NXN: variants seen among roughly 807,000 people sequenced by gnomAD.
NXN encodes nucleoredoxin.
Under a neutral mutation model 48.6 loss-of-function variants are expected in NXN, and 16 were observed. That is an observed-to-expected ratio of 0.33 (90% CI 0.22 to 0.50). NXN has a LOEUF of 0.50. Ranked by LOEUF, NXN falls within the 20% of genes least tolerant of loss-of-function variation. NXN has a pLI of 0.98. For missense variants in NXN, 492 were observed against 605.5 expected (o/e 0.81, Z 1.97); for synonymous variants, 281 against 269.6 (o/e 1.04, Z -0.41).
intron 1 of NXN, among the ~76,000 whole-genome samples, chr17:927,338 G>A (rs1243238621): frequency 6.6e-6 from 1 of 151,806 alleles, no homozygotes; most frequent in African/African-American, 2.4e-5. Context: ...ACTGGGTGCT[G>A]TGGCTCACAC....
intron 4 of NXN, among the ~76,000 whole-genome samples, chr17:820,484 C>T (rs901535747): frequency 2.7e-4 from 40 of 149,400 alleles, no homozygotes; most frequent in African/African-American, 9.7e-4. Context: ...TGGTGGTGGG[C>T]GCCTGTAGTC....
At chr17:819,241 C>T (rs969039758) in intron 5 of NXN, 198 bp downstream of exon 5, 75 of 599,282 alleles carry the variant, frequency 1.3e-4, no homozygotes, top group Non-Finnish European at 2.0e-4. Flanking sequence ...CTGCCATGCC[C>T]GGCCTGACAA....
At chr17:850,718 C>T (rs2067914876) in intron 1 of NXN, among the ~76,000 whole-genome samples, 1 of 152,160 alleles carries the variant, frequency 6.6e-6, no homozygotes, top group African/African-American at 2.4e-5. Flanking sequence ...GCCACACGTC[C>T]CTTAGAGCAC....
chr17:852,845 T>C (rs1157687436), intron 1 of NXN, among the ~76,000 whole-genome samples: 2 of 152,152 alleles, frequency 1.3e-5, no homozygotes, highest in Non-Finnish European at 2.9e-5. Flanking sequence ...ATGCAGCATT[T>C]CCTCAGGACC....
chr17:835,430 G>A (rs1364907346), intron 1 of NXN, among the ~76,000 whole-genome samples: 1 of 151,920 alleles, frequency 6.6e-6, no homozygotes, highest in African/African-American at 2.4e-5. Context: ...ACAAAGAGGA[G>A]ACAAGATTAG....
intron 1 of NXN, among the ~76,000 whole-genome samples, chr17:853,363 G>A (rs61383423): frequency 4.6e-5 from 7 of 151,870 alleles, no homozygotes; most frequent in East Asian, 2.0e-4. Context: ...CAGGAGAATC[G>A]CTTGAACCTG....
chr17:853,468 A>T (rs1242987505), intron 1 of NXN, among the ~76,000 whole-genome samples: 1 of 151,824 alleles, frequency 6.6e-6, no homozygotes, highest in East Asian at 2.0e-4. Context: ...GAAAGCTCTC[A>T]GGTAACTCAG....
chr17:911,473 G>T (rs1375693204), intron 1 of NXN, among the ~76,000 whole-genome samples: 1 of 151,194 alleles, frequency 6.6e-6, no homozygotes, highest in Admixed American at 6.6e-5. Flanking sequence ...CTGAGTAGCT[G>T]GGACTACAGA....
chr17:803,607 C>G, intron 7 of NXN, 75 bp downstream of exon 7: 1 of 1,595,788 alleles, frequency 6.3e-7, no homozygotes, highest in Non-Finnish European at 8.6e-7. Context: ...TCAGGCAACC[C>G]TGGGGCCAGG....
chr17:965,313 G>C (rs1359222262), intron 1 of NXN, among the ~76,000 whole-genome samples: 1 of 152,210 alleles, frequency 6.6e-6, no homozygotes, highest in East Asian at 1.9e-4. Context: ...AGATGGCAGA[G>C]AGCTGGACTC....
intron 1 of NXN, among the ~76,000 whole-genome samples, chr17:897,963 G>GA (rs1026095240): frequency 1.3e-5 from 2 of 152,326 alleles, no homozygotes; most frequent in African/African-American, 2.4e-5. Context: ...TGACAGGTGT[G>GA]AACCCCTGCT....
At chr17:863,742 T>G in intron 1 of NXN, 1 of 577,224 alleles carries the variant, frequency 1.7e-6, no homozygotes, top group Admixed American at 2.9e-5. Flanking sequence ...GGATTACAGG[T>G]GTGAGCCTCT....
intron 4 of NXN, among the ~76,000 whole-genome samples, chr17:820,234 G>A (rs138716297): frequency 0.079 from 12,046 of 152,200 alleles, 614 homozygotes; most frequent in Middle Eastern, 0.13. Flanking sequence ...TACGTACATT[G>A]GTCAGCTGAA....
In NXN at chr17:864,081, C is replaced by T. The variant is rs751770354; in HGVS notation, c.361-38003G>A. ...GGTTCCGGTGAAGGGGCACAGTTAC[C>T]GTTGCTCGGTTCCGGTGAAGGGGCA... On this transcript the variant is annotated intron_variant, in intron 1 of 7. Transcript: ENST00000336868. The T allele has an allele frequency of 2.2e-5, 32 of 1,437,808 alleles. No individual in the cohort carries two copies. The Admixed American group carries it at 2.3e-4, about 10-fold the overall frequency. 89.1% of individuals were successfully genotyped at this position (1,437,808 alleles called of 1,614,324 possible).
chr17:814,391 C>T (rs868483129), intron 5 of NXN, among the ~76,000 whole-genome samples: 1 of 152,174 alleles, frequency 6.6e-6, no homozygotes, highest in Non-Finnish European at 1.5e-5. Flanking sequence ...GAAGGAACTC[C>T]GTACCTCAGA....
intron 1 of NXN, among the ~76,000 whole-genome samples, chr17:969,073 G>A (rs1451717550): frequency 6.6e-6 from 1 of 152,170 alleles, no homozygotes; most frequent in Non-Finnish European, 1.5e-5. Flanking sequence ...GGGGTACAAA[G>A]AGGTAAAAAG....
At chr17:905,301 T>C (rs1377371192) in intron 1 of NXN, 1 of 142,760 alleles carries the variant, frequency 7.0e-6, no homozygotes, top group African/African-American at 2.5e-5. Context: ...TGCACACACA[T>C]AGTTTCAGCT....
chr17:888,663 G>T (rs2068374635), intron 1 of NXN, among the ~76,000 whole-genome samples: 1 of 151,878 alleles, frequency 6.6e-6, no homozygotes, highest in South Asian at 2.1e-4. Flanking sequence ...CTTACATAAA[G>T]ATTGACAGAG....
chr17:979,588 T>A lies in NXN; in HGVS notation c.91A>T (p.Ile31Phe). The A allele has an allele frequency of 6.9e-7, 1 of 1,441,522 alleles. No homozygotes were observed. Among genetic ancestry groups the A allele is most frequent in the Non-Finnish European group, 9.1e-7 (1 of 1,096,542 alleles). 89.3% of individuals were successfully genotyped at this position (1,441,522 alleles called of 1,614,324 possible). ...CCGAAGTAGAGACCCAGCAGCGAGATGCCGCGGGCGCCCAGCGAGTGCACG... is the reference window on the plus strand; with the variant it reads ...CCGAAGTAGAGACCCAGCAGCGAGAAGCCGCGGGCGCCCAGCGAGTGCACG... Reference protein sequence around the residue: ...VDVHSLGARGISLLGLYFGCS... With the variant: ...VDVHSLGARGFSLLGLYFGCS... Residue 31 changes from isoleucine (I) to phenylalanine (F), a missense_variant, in exon 1 of 8, where the codon ATC (isoleucine) becomes TTC (phenylalanine). By Grantham distance (21) the Ile-to-Phe change is conservative (BLOSUM62 0). Coordinates refer to ENST00000336868, the MANE Select transcript of NXN (RefSeq NM_022463.5).
Sources: gnomAD v4.1 joint callset for allele counts (sites outside exome capture counted in the v4.1 genomes callset) on GRCh38, gnomAD v4.1.1 for gene constraint, MANE v1.5 for transcripts, NCBI Gene and HGNC (gene_info 2026-07-23, HGNC 2026-07-21) for gene names.